Variants in BARX2 observed in about 807,000 individuals in gnomAD.
The protein encoded by BARX2 is BARX homeobox 2.
Under a neutral mutation model 25.5 loss-of-function variants are expected in BARX2, and 11 were observed. That is an observed-to-expected ratio of 0.43 (90% CI 0.27 to 0.71). BARX2 has a LOEUF of 0.71. BARX2 is among the 30% of genes least tolerant of loss of function. The probability of loss-of-function intolerance (pLI) is 0.19; values close to 1 mark genes in which losing one functional copy is unlikely to be tolerated. For synonymous variants in BARX2, 137 were observed against 149.5 expected (o/e 0.92, Z 0.61); for missense variants, 360 against 359.9 (o/e 1.00, Z 0.00).
At position 129,420,545 on chromosome 11, in the gene BARX2, T is replaced by C. The variant is rs542579424; in HGVS notation, c.188-16206T>C. On this transcript the variant is annotated intron_variant, in intron 1 of 3. Transcript: ENST00000281437. ...ATCTCTCTTCTGTTATTTAGTGTGTTATTAGCTATAAATCACCTAATCTCA... is the reference window on the plus strand; with the variant it reads ...ATCTCTCTTCTGTTATTTAGTGTGTCATTAGCTATAAATCACCTAATCTCA... Among the ~76,000 whole-genome samples the C allele has an allele frequency of 1.1e-4, 17 of 152,390 alleles. 1 individual carries two copies. The highest frequency in any genetic ancestry group is 4.1e-4 in the African/African-American group (17 of 41,594).
intron 1 of BARX2, among the ~76,000 whole-genome samples, chr11:129,398,817 G>A (rs1006434828): frequency 1.3e-5 from 2 of 152,214 alleles, no homozygotes; most frequent in African/African-American, 4.8e-5. Context: ...GTTTGATTTA[G>A]TTCCAGTAGT....
At chr11:129,420,855 A>G (rs1861996726) in intron 1 of BARX2, among the ~76,000 whole-genome samples, 1 of 152,238 alleles carries the variant, frequency 6.6e-6, no homozygotes, top group Non-Finnish European at 1.5e-5. Context: ...AATGTGGTTG[A>G]GAAATATTAG....
intron 1 of BARX2, among the ~76,000 whole-genome samples, chr11:129,425,478 A>C (rs1212687530): frequency 6.6e-6 from 1 of 152,172 alleles, no homozygotes. Context: ...GAGAAAGACC[A>C]CACCATGTCC....
intron 3 of BARX2, among the ~76,000 whole-genome samples, chr11:129,450,315 A>G (rs900017545): frequency 2.6e-5 from 4 of 152,238 alleles, no homozygotes; most frequent in African/African-American, 9.6e-5. Flanking sequence ...GAAAATATAG[A>G]AAAAACAAAG....
At chr11:129,387,649 G>C (rs1861628723) in intron 1 of BARX2, among the ~76,000 whole-genome samples, 1 of 152,146 alleles carries the variant, frequency 6.6e-6, no homozygotes, top group African/African-American at 2.4e-5. Flanking sequence ...GACAGCTGTG[G>C]CTATTGGAAG....
At chr11:129,386,477 A>G (rs1861617369) in intron 1 of BARX2, among the ~76,000 whole-genome samples, 1 of 152,232 alleles carries the variant, frequency 6.6e-6, no homozygotes, top group South Asian at 2.1e-4. Context: ...AGTTCTCTTT[A>G]TAGTCCATAA....
At chr11:129,437,308 G>A (rs1591446157) in intron 2 of BARX2, 2 of 568,986 alleles carry the variant, frequency 3.5e-6, no homozygotes, top group Non-Finnish European at 5.1e-6. Context: ...AACTATTTCA[G>A]TATCATAAAC....
At chr11:129,383,487 G>A (rs1861588345) in intron 1 of BARX2, among the ~76,000 whole-genome samples, 1 of 152,158 alleles carries the variant, frequency 6.6e-6, no homozygotes, top group African/African-American at 2.4e-5. Context: ...GAGAGACTCT[G>A]GTTTCTTGAG....
chr11:129,449,853 C>T (rs1215231583), intron 3 of BARX2, among the ~76,000 whole-genome samples: 1 of 152,116 alleles, frequency 6.6e-6, no homozygotes, highest in South Asian at 2.1e-4. Context: ...AGTGCTCTGG[C>T]CAGAACAGTA....
chr11:129,393,974 C>T (rs1861692529), intron 1 of BARX2, among the ~76,000 whole-genome samples: 1 of 152,108 alleles, frequency 6.6e-6, no homozygotes, highest in Non-Finnish European at 1.5e-5. Context: ...AGAAAAAGAA[C>T]ATTTCTTCTG....
intron 1 of BARX2, among the ~76,000 whole-genome samples, chr11:129,386,484 A>G (rs1032508017): frequency 1.3e-5 from 2 of 152,222 alleles, no homozygotes; most frequent in Admixed American, 6.5e-5. Context: ...TTTATAGTCC[A>G]TAATCATGAT....
intron 1 of BARX2, among the ~76,000 whole-genome samples, chr11:129,434,440 A>C (rs866579954): frequency 1.8e-4 from 27 of 148,838 alleles, no homozygotes; most frequent in African/African-American, 6.6e-4. Flanking sequence ...AAAAAAAAAA[A>C]AAAAAACAGA....
intron 1 of BARX2, among the ~76,000 whole-genome samples, chr11:129,407,772 G>T (rs1210577545): frequency 6.6e-6 from 1 of 152,106 alleles, no homozygotes; most frequent in Non-Finnish European, 1.5e-5. Flanking sequence ...TCCATACAGT[G>T]TGGTAGGGGT....
chr11:129,402,839 C>A (rs1861791548), intron 1 of BARX2, among the ~76,000 whole-genome samples: 1 of 152,110 alleles, frequency 6.6e-6, no homozygotes, highest in African/African-American at 2.4e-5. Flanking sequence ...GAGATCCAAA[C>A]CAAACAACAA....
rs531706945 is a variant in BARX2 at position 129,418,636 on chromosome 11, A to G, written c.188-18115A>G. Among the ~76,000 whole-genome samples, 36 of 152,312 alleles carry G rather than the reference A, an allele frequency of 2.4e-4. 1 individual carries two copies. Among genetic ancestry groups the G allele is most frequent in the African/African-American group, 8.2e-4 (34 of 41,578 alleles). On this transcript the variant is annotated intron_variant, in intron 1 of 3. Coordinates refer to ENST00000281437, the MANE Select transcript of BARX2 (RefSeq NM_003658.5). ...TGAAACATATTGTTTCCTATTGGGA[A>G]GAAGTTGATGTGATCTCTATCACGA...
At chr11:129,429,373 A>T (rs938644772) in intron 1 of BARX2, among the ~76,000 whole-genome samples, 2 of 152,100 alleles carry the variant, frequency 1.3e-5, no homozygotes, top group South Asian at 4.1e-4. Context: ...CTCTAAAAAA[A>T]AATTAGCAGA....
intron 1 of BARX2, among the ~76,000 whole-genome samples, chr11:129,430,021 C>G (rs1309449210): frequency 6.6e-6 from 1 of 152,120 alleles, no homozygotes; most frequent in Non-Finnish European, 1.5e-5. Flanking sequence ...CCCTGCCCCC[C>G]ATACATTGTG....
chr11:129,426,087 GTTTTCTTCAGTCAC>G (rs1862059118), intron 1 of BARX2, among the ~76,000 whole-genome samples: 1 of 140,326 alleles, frequency 7.1e-6, no homozygotes, highest in Non-Finnish European at 1.5e-5. Context: ...AACATTTTCT[GTTTTCTTCAGTCAC>G]ACAAAACTGG....
chr11:129,442,745 T>C (rs778522528), intron 2 of BARX2, 90 bp from the exon 3 acceptor site: 2 of 1,160,594 alleles, frequency 1.7e-6, no homozygotes, highest in African/African-American at 1.5e-5. Context: ...TAGCCAGTGC[T>C]GGAGCCTGTC....
Sources: allele counts gnomAD v4.1 joint callset (sites outside exome capture counted in the v4.1 genomes callset), GRCh38; gene constraint gnomAD v4.1.1; transcripts MANE v1.5; gene names NCBI Gene and HGNC (gene_info 2026-07-23, HGNC 2026-07-21).